Variants in DACH1 observed in about 807,000 individuals in gnomAD.
The protein encoded by DACH1 is dachshund family transcription factor 1.
Under a neutral mutation model 54.2 loss-of-function variants are expected in DACH1, and 12 were observed. The observed-to-expected ratio is 0.22, with a 90% CI of 0.14 to 0.36. The LOEUF (loss-of-function observed/expected upper bound fraction) is 0.36, where lower values mean the gene tolerates loss of function less well. Ranked by LOEUF, DACH1 falls within the 10% of genes least tolerant of loss-of-function variation. The probability of loss-of-function intolerance (pLI) is 1.00; values close to 1 mark genes in which losing one functional copy is unlikely to be tolerated. For missense variants in DACH1, 805 were observed against 929.8 expected (o/e 0.87, Z 1.75); for synonymous variants, 386 against 366.2 (o/e 1.05, Z -0.62).
At chr13:71,651,296 G>A (rs1188549827) in intron 2 of DACH1, among the ~76,000 whole-genome samples, 1 of 150,960 alleles carries the variant, frequency 6.6e-6, no homozygotes, top group Non-Finnish European at 1.5e-5. Context: ...GAGCCCTGGG[G>A]ATCAAGGTTG....
chr13:71,496,577 G>T (rs1009899667), intron 6 of DACH1, among the ~76,000 whole-genome samples: 1 of 151,730 alleles, frequency 6.6e-6, no homozygotes, highest in Non-Finnish European at 1.5e-5. Flanking sequence ...GGGAATGGGG[G>T]AGGTTCATGA....
At chr13:71,462,867 TATCTAC>T (rs1432564968) in intron 10 of DACH1, among the ~76,000 whole-genome samples, 3 of 118,902 alleles carry the variant, frequency 2.5e-5, no homozygotes, top group African/African-American at 9.7e-5. Flanking sequence ...AGAATCTATC[TATCTAC>T]ACACACACAC....
intron 1 of DACH1, among the ~76,000 whole-genome samples, chr13:71,690,551 G>A (rs1473392028): frequency 1.3e-5 from 2 of 152,124 alleles, no homozygotes; most frequent in African/African-American, 2.4e-5. Flanking sequence ...TAAAGTTTGG[G>A]AAAACGTTAA....
chr13:71,786,794 GA>G (rs1280040020), intron 1 of DACH1, among the ~76,000 whole-genome samples: 16 of 151,478 alleles, frequency 1.1e-4, no homozygotes, highest in African/African-American at 2.7e-4. Flanking sequence ...TTTCAGAGGG[GA>G]AAAAAAAGCT....
intron 6 of DACH1, among the ~76,000 whole-genome samples, chr13:71,514,056 G>A (rs9542713): frequency 0.85 from 128,525 of 152,038 alleles, 57,903 homozygotes; most frequent in Non-Finnish European, 0.99. Context: ...TGTGGTATGA[G>A]ATATGAGTTC....
chr13:71,611,179 A>G (rs1366767226), intron 3 of DACH1, among the ~76,000 whole-genome samples: 1 of 152,188 alleles, frequency 6.6e-6, no homozygotes, highest in Non-Finnish European at 1.5e-5. Flanking sequence ...TCAAGGGAGA[A>G]CACTGTCAAG....
intron 1 of DACH1, among the ~76,000 whole-genome samples, chr13:71,709,880 C>A (rs914039875): frequency 6.6e-6 from 1 of 152,068 alleles, no homozygotes; most frequent in African/African-American, 2.4e-5. Flanking sequence ...TGCTCTGCCT[C>A]AAAGAGCAAA....
chr13:71,759,900 G>C (rs1467307891), intron 1 of DACH1, among the ~76,000 whole-genome samples: 1 of 152,182 alleles, frequency 6.6e-6, no homozygotes, highest in African/African-American at 2.4e-5. Context: ...GCACTAGTGA[G>C]AAGAAATGGG....
intron 7 of DACH1, among the ~76,000 whole-genome samples, chr13:71,483,487 A>T (rs1878233400): frequency 1.4e-5 from 2 of 147,046 alleles, no homozygotes; most frequent in African/African-American, 4.9e-5. Context: ...TAAATAATAT[A>T]TTAATATAAT....
intron 6 of DACH1, among the ~76,000 whole-genome samples, chr13:71,556,250 T>C (rs1347905491): frequency 6.6e-6 from 1 of 152,168 alleles, no homozygotes. Context: ...ACACTGATTA[T>C]TTGATGGCTT....
intron 1 of DACH1, among the ~76,000 whole-genome samples, chr13:71,741,870 C>T (rs1884402112): frequency 6.6e-6 from 1 of 151,776 alleles, no homozygotes; most frequent in African/African-American, 2.4e-5. Flanking sequence ...ATGTATAATC[C>T]CTGAAAACAA....
chr13:71,572,355 G>A (rs1322116617), intron 4 of DACH1, among the ~76,000 whole-genome samples: 1 of 151,852 alleles, frequency 6.6e-6, no homozygotes, highest in Non-Finnish European at 1.5e-5. Context: ...GTGTATTTTT[G>A]AATTTATGGA....
At chr13:71,758,682 G>A (rs2138000737) in intron 1 of DACH1, among the ~76,000 whole-genome samples, 1 of 152,236 alleles carries the variant, frequency 6.6e-6, no homozygotes, top group South Asian at 2.1e-4. Context: ...ACACAAATAT[G>A]TATCTAAATG....
chr13:71,813,080 A>G (rs904118325), intron 1 of DACH1, among the ~76,000 whole-genome samples: 1 of 152,212 alleles, frequency 6.6e-6, no homozygotes. Context: ...CATATTAACA[A>G]TGGTCTAACA....
intron 1 of DACH1, among the ~76,000 whole-genome samples, chr13:71,719,472 CA>C (rs755398582): frequency 1.3e-5 from 2 of 152,128 alleles, no homozygotes; most frequent in East Asian, 3.9e-4. Context: ...CAATTTCATG[CA>C]ATGCAAAGAA....
intron 6 of DACH1, among the ~76,000 whole-genome samples, chr13:71,529,183 G>GTTTTTTTTTTGTTTTTTTTTTT (rs1299574030): frequency 2.5e-5 from 2 of 80,980 alleles, no homozygotes; most frequent in African/African-American, 8.7e-5. Context: ...TGTGATTTGG[G>GTTTTTTTTTTGTTTTTTTTTTT]TTTTTTTTTT....
At chr13:71,689,198 A>G (rs1464038371) in intron 1 of DACH1, among the ~76,000 whole-genome samples, 1 of 152,220 alleles carries the variant, frequency 6.6e-6, no homozygotes, top group Non-Finnish European at 1.5e-5. Flanking sequence ...GGCACATGAG[A>G]ATTATTCCCC....
At chr13:71,573,840 C>T (rs896376221) in intron 3 of DACH1, among the ~76,000 whole-genome samples, 1 of 152,096 alleles carries the variant, frequency 6.6e-6, no homozygotes, top group Non-Finnish European at 1.5e-5. Flanking sequence ...GGCTATCCAG[C>T]TTAATATGAA....
At chr13:71,500,189 A>T (rs1042404790) in intron 6 of DACH1, among the ~76,000 whole-genome samples, 2 of 152,132 alleles carry the variant, frequency 1.3e-5, no homozygotes, top group Non-Finnish European at 2.9e-5. Context: ...ATCTGCCAAA[A>T]ATGAGTTTCT....
Sources: gnomAD v4.1 joint callset for allele counts (sites outside exome capture counted in the v4.1 genomes callset) on GRCh38, gnomAD v4.1.1 for gene constraint, MANE v1.5 for transcripts, NCBI Gene and HGNC (gene_info 2026-07-23, HGNC 2026-07-21) for gene names.